RIPOR2: variants seen among roughly 807,000 people sequenced by gnomAD.
RIPOR2 encodes RHO family interacting cell polarization regulator 2, also known as rho family-interacting cell polarization regulator 2.
In RIPOR2, 39 loss-of-function variants were observed where a neutral mutation model predicts 114.5. The observed-to-expected ratio is 0.34, with a 90% CI of 0.26 to 0.44. The LOEUF (loss-of-function observed/expected upper bound fraction) is 0.44. RIPOR2 is among the 20% of genes least tolerant of loss of function. RIPOR2 has a pLI of 1.00. For synonymous variants in RIPOR2, 445 were observed against 484.4 expected, an observed-to-expected ratio of 0.92 and a Z score of 1.07; for missense variants, 1,007 against 1,255.1, an observed-to-expected ratio of 0.80 and a Z score of 2.99.
Position 24,883,517 on chromosome 6 carries a change from A to G in RIPOR2, c.62-7700T>C, listed in dbSNP as rs1216631259. Reference sequence around the variant, plus strand: ...GTTTTGGGGGTGGTGGAAGTGTTCTAAAAGCAAATCATGGATGATGGTAGC... The same window carrying G: ...GTTTTGGGGGTGGTGGAAGTGTTCTGAAAGCAAATCATGGATGATGGTAGC... On this transcript the variant is annotated intron_variant, in intron 1 of 21. Coordinates refer to ENST00000643898, the MANE Select transcript of RIPOR2 (RefSeq NM_001286445.3). The surrounding 1 kb of genome is among the most constrained non-coding windows in gnomAD (Gnocchi z 4.1). Among the ~76,000 whole-genome samples the G allele has an allele frequency of 6.6e-6, 1 of 152,210 alleles. No individual in the cohort carries two copies. Among genetic ancestry groups the G allele is most frequent in the African/African-American group, 2.4e-5 (1 of 41,454 alleles).
chr6:24,906,145 T>C (rs942123588), intron 1 of RIPOR2, among the ~76,000 whole-genome samples: 2 of 152,204 alleles, frequency 1.3e-5, no homozygotes, highest in South Asian at 4.1e-4. Context: ...TTATCTGACC[T>C]TCCTTGCAAG....
chr6:24,907,592 A>T (rs1365134093), intron 1 of RIPOR2, among the ~76,000 whole-genome samples: 5 of 152,230 alleles, frequency 3.3e-5, no homozygotes, highest in African/African-American at 7.2e-5. Context: ...CAGAGAGGAG[A>T]CACAGAAGAG....
At chr6:25,032,187 GTTTTTT>G (rs770986663) in intron 1 of RIPOR2, among the ~76,000 whole-genome samples, 2 of 138,930 alleles carry the variant, frequency 1.4e-5, no homozygotes, top group African/African-American at 2.6e-5. Flanking sequence ...CCTTTATGGT[GTTTTTT>G]TTTTTTTCAC....
intron 1 of RIPOR2, chr6:24,976,837 G>A (rs1561820453): frequency 1.2e-6 from 2 of 1,610,576 alleles, no homozygotes; most frequent in East Asian, 2.2e-5. Flanking sequence ...GCACTGCCAA[G>A]ACTGAGTGGT....
chr6:24,824,534 G>T (rs1218174335), intron 19 of RIPOR2, among the ~76,000 whole-genome samples: 1 of 152,144 alleles, frequency 6.6e-6, no homozygotes, highest in Admixed American at 6.5e-5. Context: ...GGCTCCCAGG[G>T]GACCAATTCC....
At chr6:24,997,957 C>G (rs1298196375) in intron 1 of RIPOR2, among the ~76,000 whole-genome samples, 1 of 152,042 alleles carries the variant, frequency 6.6e-6, no homozygotes, top group Non-Finnish European at 1.5e-5. Context: ...GGTTTCAGGG[C>G]CACTAACTAA....
chr6:24,902,884 T>A (rs1768614337), intron 1 of RIPOR2, among the ~76,000 whole-genome samples: 1 of 152,222 alleles, frequency 6.6e-6, no homozygotes, highest in South Asian at 2.1e-4. Flanking sequence ...AGGGAAGAAA[T>A]TTGATAGGAA....
At chr6:24,806,683 G>T (rs896527683) in intron 21 of RIPOR2, among the ~76,000 whole-genome samples, 7 of 152,158 alleles carry the variant, frequency 4.6e-5, no homozygotes, top group Admixed American at 4.6e-4. Flanking sequence ...GCTAATTAAT[G>T]CCAGAGACCA....
At chr6:24,863,005 T>C (rs1162061545) in intron 7 of RIPOR2, among the ~76,000 whole-genome samples, 1 of 152,016 alleles carries the variant, frequency 6.6e-6, no homozygotes, top group East Asian at 1.9e-4. Flanking sequence ...CAGGCTGGAG[T>C]GTAGTGGCGC....
rs546039308 is a variant in RIPOR2, at chr6:24,827,788, G to C, written c.2665+349C>G. On this transcript the variant is annotated intron_variant, in intron 18 of 21. Coordinates refer to ENST00000643898, the MANE Select transcript of RIPOR2 (RefSeq NM_001286445.3). ...CCATTTCTTCCTATTATTAATGAAAGCCTCACCAAAAAGGGCAATATAAAA... is the reference window on the plus strand; with the variant it reads ...CCATTTCTTCCTATTATTAATGAAACCCTCACCAAAAAGGGCAATATAAAA... 9.9e-5 allele frequency among the ~76,000 whole-genome samples: 15 copies of C among 152,190 alleles called. No individual in the cohort carries two copies. The South Asian group carries it at 2.5e-3, about 25-fold the overall frequency.
chr6:24,907,062 A>G (rs1236152312), intron 1 of RIPOR2, among the ~76,000 whole-genome samples: 1 of 152,250 alleles, frequency 6.6e-6, no homozygotes, highest in African/African-American at 2.4e-5. Context: ...ATAACATTAC[A>G]GAGTTGAACT....
At chr6:24,933,765 T>C (rs1269925189) in intron 1 of RIPOR2, among the ~76,000 whole-genome samples, 1 of 152,140 alleles carries the variant, frequency 6.6e-6, no homozygotes, top group Non-Finnish European at 1.5e-5. Context: ...AGAACCAGAA[T>C]CTGAGTCTGA....
rs182783608 is a variant in RIPOR2, at chr6:24,948,758, C to T, written c.77-72941G>A. Among the ~76,000 whole-genome samples, 27 of 152,170 alleles carry T rather than the reference C, an allele frequency of 1.8e-4. No individual in the cohort carries two copies. The East Asian group carries it at 4.6e-3, about 26-fold the overall frequency. On this transcript the variant is annotated intron_variant, in intron 1 of 13. Transcript: ENST00000510784. ...GTTGGTCAGGCTGGTCTCAAACTCCCGACCTCAGGTGATCCGCTCACCTTG... is the reference window on the plus strand; with the variant it reads ...GTTGGTCAGGCTGGTCTCAAACTCCTGACCTCAGGTGATCCGCTCACCTTG...
chr6:24,885,413 G>A (rs754781779), intron 1 of RIPOR2, among the ~76,000 whole-genome samples: 7 of 151,824 alleles, frequency 4.6e-5, no homozygotes, highest in African/African-American at 9.7e-5. Flanking sequence ...TAGTAAAGAC[G>A]AGATGTTGCT....
At chr6:24,948,628 T>C (rs1772587023) in intron 1 of RIPOR2, among the ~76,000 whole-genome samples, 1 of 152,116 alleles carries the variant, frequency 6.6e-6, no homozygotes, top group Admixed American at 6.6e-5. Flanking sequence ...GCCTCCCGGA[T>C]TCAAGAGATT....
intron 10 of RIPOR2, among the ~76,000 whole-genome samples, chr6:24,850,314 C>T (rs753227549): frequency 4.0e-5 from 6 of 150,978 alleles, no homozygotes; most frequent in Non-Finnish European, 7.4e-5. Flanking sequence ...AGGCTGGTCT[C>T]GACCTCCTGG....
At chr6:24,936,173 C>A, upstream of RIPOR2, 1 of 324,212 alleles carries the variant, frequency 3.1e-6, no homozygotes, top group Non-Finnish European at 5.7e-6. Flanking sequence ...AGATATCACT[C>A]AAAGTCTGAA....
intron 1 of RIPOR2, chr6:24,948,102 C>T (rs529319093): frequency 1.3e-5 from 2 of 152,166 alleles, no homozygotes; most frequent in African/African-American, 4.8e-5. Flanking sequence ...CCTATCCTTA[C>T]GTGTTCTGTA....
At chr6:24,859,814 C>T (rs918252018) in intron 8 of RIPOR2, among the ~76,000 whole-genome samples, 6 of 152,176 alleles carry the variant, frequency 3.9e-5, no homozygotes, top group African/African-American at 1.4e-4. Context: ...AAAAAAGTCT[C>T]CTTTCTTTAC....
Sources: allele counts gnomAD v4.1 joint callset (sites outside exome capture counted in the v4.1 genomes callset), GRCh38; gene constraint gnomAD v4.1.1; non-coding constraint Gnocchi (gnomAD v3.1); transcripts MANE v1.5; gene names NCBI Gene and HGNC (gene_info 2026-07-23, HGNC 2026-07-21).